Variants in LRMDA observed in about 807,000 individuals in gnomAD.
LRMDA encodes the protein leucine rich melanocyte differentiation associated, also known as leucine-rich melanocyte differentiation-associated protein.
Under a neutral mutation model 29.8 loss-of-function variants are expected in LRMDA, and 18 were observed. The observed-to-expected ratio is 0.60, with a 90% CI of 0.42 to 0.90. The LOEUF is 0.90. Ranked by LOEUF, LRMDA falls within the 40% of genes least tolerant of loss-of-function variation. The pLI, the probability that LRMDA is intolerant of heterozygous loss-of-function variation, is 0.00. For synonymous variants in LRMDA, 125 were observed against 109.4 expected (o/e 1.14, Z -0.89); for missense variants, 273 against 273.9 (o/e 1.00, Z 0.02).
At chr10:75,571,702 C>G (rs143738804) in intron 2 of LRMDA, among the ~76,000 whole-genome samples, 14 of 152,198 alleles carry the variant, frequency 9.2e-5, no homozygotes, top group African/African-American at 2.6e-4. Flanking sequence ...ACAGATGGTT[C>G]TACTTTTCCA....
At chr10:75,976,108 A>G (rs1332663066) in intron 2 of LRMDA, among the ~76,000 whole-genome samples, 1 of 152,240 alleles carries the variant, frequency 6.6e-6, no homozygotes, top group Non-Finnish European at 1.5e-5. Context: ...TGTAAAATCC[A>G]AAGTCCTTCC....
intron 6 of LRMDA, among the ~76,000 whole-genome samples, chr10:76,330,375 A>G (rs981086853): frequency 6.6e-6 from 1 of 152,178 alleles, no homozygotes; most frequent in African/African-American, 2.4e-5. Flanking sequence ...TCTAATGGGA[A>G]TAGATTGAGG....
intron 6 of LRMDA, among the ~76,000 whole-genome samples, chr10:76,541,464 G>A (rs1022386157): frequency 6.6e-6 from 1 of 152,152 alleles, no homozygotes; most frequent in Admixed American, 6.5e-5. Context: ...TCGCCCCACC[G>A]CTCCAGCCAG....
intron 2 of LRMDA, among the ~76,000 whole-genome samples, chr10:75,826,051 T>C (rs183706691): frequency 2.6e-5 from 4 of 152,280 alleles, no homozygotes; most frequent in South Asian, 2.1e-4. Context: ...CCATATGGCT[T>C]TGGGGGGCCT....
chr10:75,959,631 C>G (rs1262739668), intron 2 of LRMDA, among the ~76,000 whole-genome samples: 1 of 152,158 alleles, frequency 6.6e-6, no homozygotes, highest in African/African-American at 2.4e-5. Context: ...TAGAAGGCCT[C>G]TACGATATAT....
chr10:76,479,822 G>A (rs1260481420), intron 6 of LRMDA, among the ~76,000 whole-genome samples: 6 of 151,702 alleles, frequency 4.0e-5, no homozygotes, highest in Non-Finnish European at 4.4e-5. Flanking sequence ...CCCTATATGA[G>A]CCTTATATGC....
rs763472626 is a variant in LRMDA, at chr10:76,463,917, A to AT, written c.602-93275dup. On this transcript the variant is annotated intron_variant, in intron 6 of 6. Coordinates refer to ENST00000611255, the MANE Select transcript of LRMDA (RefSeq NM_001305581.2). Reference sequence around the variant, plus strand: ...CTGGCACACAGTAGGTGCAAAATAAATTTTTTTTTTTTTTTTTGTGAGATG... The same window carrying AT: ...CTGGCACACAGTAGGTGCAAAATAAATTTTTTTTTTTTTTTTTTGTGAGATG... 2.5e-3 allele frequency among the ~76,000 whole-genome samples: 278 copies of AT among 112,882 alleles called. 4 individuals are homozygous for AT. The highest frequency in any genetic ancestry group is 6.3e-3 in the Middle Eastern group (1 of 158). The allele number at this position is 112,882 out of a possible 152,430, so 74.1% of individuals were successfully genotyped here.
At chr10:76,254,338 A>ACCATACCATC (rs1564701481) in intron 5 of LRMDA, among the ~76,000 whole-genome samples, 3 of 91,200 alleles carry the variant, frequency 3.3e-5, no homozygotes, top group East Asian at 2.9e-4. Context: ...ACCATACCAT[A>ACCATACCATC]CCATCCTATC....
At chr10:75,689,072 A>G (rs1237168438) in intron 2 of LRMDA, among the ~76,000 whole-genome samples, 1 of 151,984 alleles carries the variant, frequency 6.6e-6, no homozygotes, top group African/African-American at 2.4e-5. Context: ...TTATCATGAT[A>G]TTTGCTTTAC....
chr10:75,630,438 A>G (rs890525768), intron 2 of LRMDA, among the ~76,000 whole-genome samples: 2 of 152,216 alleles, frequency 1.3e-5, no homozygotes, highest in Non-Finnish European at 1.5e-5. Context: ...AAGCAAGCAT[A>G]ATATAAATGT....
intron 2 of LRMDA, among the ~76,000 whole-genome samples, chr10:75,507,583 G>A (rs1248780880): frequency 6.6e-6 from 1 of 152,060 alleles, no homozygotes; most frequent in Non-Finnish European, 1.5e-5. Context: ...TGAAAAATGT[G>A]GTCTGAATTT....
chr10:75,585,034 C>T (rs922713136), intron 2 of LRMDA, among the ~76,000 whole-genome samples: 3 of 152,134 alleles, frequency 2.0e-5, no homozygotes, highest in African/African-American at 7.2e-5. Flanking sequence ...GTGTCCAGCT[C>T]GATTAATTAT....
intron 2 of LRMDA, among the ~76,000 whole-genome samples, chr10:75,639,689 C>T (rs747613206): frequency 5.3e-5 from 8 of 152,212 alleles, no homozygotes; most frequent in African/African-American, 7.2e-5. Context: ...ACAGGGACCC[C>T]GGCTTGGTTT....
intron 6 of LRMDA, among the ~76,000 whole-genome samples, chr10:76,374,347 A>G (rs1841490306): frequency 6.6e-6 from 1 of 152,192 alleles, no homozygotes; most frequent in Admixed American, 6.5e-5. Context: ...TATTATACCA[A>G]TGCCAGCATC....
At chr10:75,609,224 G>A (rs910980794) in intron 2 of LRMDA, among the ~76,000 whole-genome samples, 4 of 152,162 alleles carry the variant, frequency 2.6e-5, no homozygotes, top group African/African-American at 7.2e-5. Context: ...ACTCCCTGAG[G>A]AGGCTTGGTA....
intron 5 of LRMDA, among the ~76,000 whole-genome samples, chr10:76,244,010 G>A (rs1474166742): frequency 3.9e-5 from 6 of 152,138 alleles, no homozygotes; most frequent in Non-Finnish European, 7.4e-5. Flanking sequence ...ATATGAAGAT[G>A]GAGGTAGAGG....
At chr10:76,457,793 C>G (rs947894546) in intron 6 of LRMDA, among the ~76,000 whole-genome samples, 4 of 135,678 alleles carry the variant, frequency 2.9e-5, no homozygotes, top group African/African-American at 9.9e-5. Context: ...CTTTCAGGAA[C>G]CTAACTCTGT....
chr10:75,545,215 T>C (rs556264537), intron 2 of LRMDA, among the ~76,000 whole-genome samples: 16 of 152,166 alleles, frequency 1.1e-4, no homozygotes, highest in Non-Finnish European at 1.8e-4. Flanking sequence ...TGAAATGTCT[T>C]TTTTGTTTAG....
chr10:75,792,113 C>G (rs1382269655), intron 2 of LRMDA, among the ~76,000 whole-genome samples: 2 of 152,028 alleles, frequency 1.3e-5, no homozygotes, highest in African/African-American at 4.8e-5. Flanking sequence ...CCGCCTCGGC[C>G]TCTCAAAGTG....
Sources: gnomAD v4.1 joint callset for allele counts (sites outside exome capture counted in the v4.1 genomes callset) on GRCh38, gnomAD v4.1.1 for gene constraint, MANE v1.5 for transcripts, NCBI Gene and HGNC (gene_info 2026-07-23, HGNC 2026-07-21) for gene names.